Variants in CCDC134 observed in about 807,000 individuals in gnomAD.
CCDC134 encodes the protein coiled-coil domain containing 134, also known as coiled-coil domain-containing protein 134.
A neutral mutation model predicts 25.6 loss-of-function variants in CCDC134; 27 were observed. That is an observed-to-expected ratio of 1.05 (90% confidence interval 0.78 to 1.45). The LOEUF (loss-of-function observed/expected upper bound fraction) is 1.45, where lower values mean the gene tolerates loss of function less well. CCDC134 is among the 40% of genes most tolerant of loss of function. The pLI is 0.00. For missense variants in CCDC134, 261 were observed against 286.7 expected (o/e 0.91, Z 0.65); for synonymous variants, 110 against 115.0 (o/e 0.96, Z 0.28).
rs917300485 is a variant in CCDC134 at position 41,830,075 on chromosome 22, A to G, written c.*4252A>G. Among the ~76,000 whole-genome samples the G allele has an allele frequency of 6.6e-6, 1 of 152,170 alleles. No individual in the cohort carries two copies. Among genetic ancestry groups the G allele is most frequent in the African/African-American group, 2.4e-5 (1 of 41,428 alleles). ...CGTAAGCAACCGTGCCCGGCTGTCC[A>G]TCTCTTTTCAGATGAAGAGCTCAGG... On this transcript the variant is annotated 3_prime_UTR_variant, in exon 7 of 7. Transcript: ENST00000255784.
rs751030130 is a variant in CCDC134 at position 41,813,487 on chromosome 22, G to A, written c.492+42G>A. 8.7e-6 allele frequency: 14 copies of A among 1,606,386 alleles called. 1 individual carries two copies. The South Asian group carries it at 9.9e-5, about 11-fold the overall frequency. ...AGGTGGCCCGGGAGCCCTCTGTCGG[G>A]TAGTGGACTAGGATCCTCACATCTG... On this transcript the variant is annotated intron_variant, in intron 5 of 6. Coordinates refer to ENST00000255784, the MANE Select transcript of CCDC134 (RefSeq NM_024821.5).
chr22:41,812,924 A>G (rs1484896483), intron 4 of CCDC134, among the ~76,000 whole-genome samples: 1 of 152,150 alleles, frequency 6.6e-6, no homozygotes, highest in East Asian at 1.9e-4. Flanking sequence ...CCCACAGCAA[A>G]TGTGTCTTCT....
intron 6 of CCDC134, among the ~76,000 whole-genome samples, chr22:41,817,175 C>T (rs2076626615): frequency 2.0e-5 from 3 of 152,108 alleles, no homozygotes; most frequent in South Asian, 4.1e-4. Flanking sequence ...ACCATTCCAA[C>T]CAGAGACTCA....
rs1433424211 is a variant in CCDC134, at chr22:41,831,546, GC to G, written c.*5724del. The G allele has an allele frequency of 2.6e-5, 4 of 152,206 alleles. No homozygotes were observed. Among genetic ancestry groups the G allele is most frequent in the African/African-American group, 9.6e-5 (4 of 41,452 alleles). 9.4% of individuals were successfully genotyped at this position (152,206 alleles called of 1,614,324 possible). Reference sequence around the variant, plus strand: ...TGCAAGGCACTTACTGTATGCCAAAGCTTATGCCGAGAGCTGGCTGCCAGCA... The same window carrying G: ...TGCAAGGCACTTACTGTATGCCAAAGTTATGCCGAGAGCTGGCTGCCAGCA... On this transcript the variant is annotated 3_prime_UTR_variant, in exon 7 of 7. Coordinates refer to ENST00000255784, the MANE Select transcript of CCDC134 (RefSeq NM_024821.5).
chr22:41,807,526 C>T (rs2076574027), intron 1 of CCDC134, among the ~76,000 whole-genome samples: 1 of 148,566 alleles, frequency 6.7e-6, no homozygotes, highest in African/African-American at 2.5e-5. Context: ...TGTGCCACTG[C>T]ACTCCAGCCT....
In CCDC134 at chr22:41,830,274, T is replaced by C. The variant is rs959239908; in HGVS notation, c.*4451T>C. ...GGGTCCAGCCACCCTTCTTCCACCA[T>C]TTCTACTGAGCCTTCAGTTGTACCC... On this transcript the variant is annotated 3_prime_UTR_variant, in exon 7 of 7. Transcript: ENST00000255784. Among the ~76,000 whole-genome samples, 11 of 152,248 alleles carry C rather than the reference T, an allele frequency of 7.2e-5. No homozygotes were observed. Among genetic ancestry groups the C allele is most frequent in the African/African-American group, 2.7e-4 (11 of 41,468 alleles).
intron 1 of CCDC134, among the ~76,000 whole-genome samples, chr22:41,802,136 C>A (rs977982164): frequency 1.3e-5 from 2 of 152,182 alleles, no homozygotes; most frequent in African/African-American, 4.8e-5. Flanking sequence ...CTTTTCACAA[C>A]CTTCCTCGGT....
chr22:41,820,760 G>C (rs1218676013), intron 6 of CCDC134, among the ~76,000 whole-genome samples: 1 of 152,210 alleles, frequency 6.6e-6, no homozygotes, highest in Admixed American at 6.5e-5. Context: ...AGGGAGGGTA[G>C]TAAGAGTTTT....
intron 6 of CCDC134, among the ~76,000 whole-genome samples, chr22:41,816,522 C>T (rs960130072): frequency 3.9e-5 from 6 of 152,352 alleles, no homozygotes; most frequent in Admixed American, 6.5e-5. Flanking sequence ...GCTGCAGCTG[C>T]CACTGGGCTT....
intron 6 of CCDC134, among the ~76,000 whole-genome samples, chr22:41,815,206 T>C (rs1035839787): frequency 1.4e-5 from 2 of 142,510 alleles, no homozygotes; most frequent in African/African-American, 2.6e-5. Context: ...TTTCTTTTCT[T>C]TTTTTTTTTT....
rs531928294 is a variant in CCDC134 at position 41,813,357 on chromosome 22, A to C, written c.404A>C (p.Asn135Thr). 1.2e-6 allele frequency: 2 copies of C among 1,614,206 alleles called. No homozygotes were observed. The highest frequency in any genetic ancestry group is 1.7e-5 in the Admixed American group (1 of 60,014). The change falls in exon 5 of 7, where the codon AAC becomes ACC. Residue 135 changes from asparagine to threonine, a missense_variant. Asn to Thr is a moderately conservative substitution (Grantham distance 65). Coordinates refer to ENST00000255784, the MANE Select transcript of CCDC134 (RefSeq NM_024821.5). ...CACTATTACTTTGACCACAACTCCA[A>C]CTGGAACCTCCTCATCCGCTGGGGT... ...IVHYYFDHNS[N>T]WNLLIRWGIS...
chr22:41,817,228 T>C (rs2076626789), intron 6 of CCDC134, among the ~76,000 whole-genome samples: 1 of 152,146 alleles, frequency 6.6e-6, no homozygotes, highest in African/African-American at 2.4e-5. Flanking sequence ...TTTGTGCCAC[T>C]CCTTGGTAGT....
At chr22:41,817,487 A>C (rs2076628204) in intron 6 of CCDC134, among the ~76,000 whole-genome samples, 1 of 152,014 alleles carries the variant, frequency 6.6e-6, no homozygotes, top group Non-Finnish European at 1.5e-5. Context: ...TAATCCCAGC[A>C]CTTAGGGACC....
At chr22:41,809,547 CAG>C (rs1366854253) in intron 2 of CCDC134, among the ~76,000 whole-genome samples, 1 of 152,124 alleles carries the variant, frequency 6.6e-6, no homozygotes, top group Non-Finnish European at 1.5e-5. Context: ...GCATCCTGGG[CAG>C]AGAGGGTGCA....
At position 41,830,884 on chromosome 22, in the gene CCDC134, CTTTTTTTTTTTTTT is replaced by C. The variant is rs67246997; in HGVS notation, c.*5070_*5083del. On this transcript the variant is annotated 3_prime_UTR_variant, in exon 7 of 7. Transcript: ENST00000255784. The stretch of plus-strand genomic sequence containing the variant: ...AGATCCTTATTTTTTCTTTTCTTTT[CTTTTTTTTTTTTTT>C]TTTTTTTTGAGACGCAGTCTCCTGT... Among the ~76,000 whole-genome samples, 7 of 117,294 alleles carry C rather than the reference CTTTTTTTTTTTTTT, an allele frequency of 6.0e-5. No individual in the cohort carries two copies. The highest frequency in any genetic ancestry group is 2.7e-4 in the African/African-American group (7 of 25,458). 76.9% of individuals were successfully genotyped at this position (117,294 alleles called of 152,430 possible).
In CCDC134 at chr22:41,810,527, C is replaced by T. The variant is rs1387063131; in HGVS notation, c.310+236C>T. ...TTTTTTTTTTTTTGAGACAGAGTCT[C>T]ACTCTGTCGCCAGGCTGGAGTACAG... On this transcript the variant is annotated intron_variant, in intron 4 of 6. Coordinates refer to ENST00000255784, the MANE Select transcript of CCDC134 (RefSeq NM_024821.5). Among the ~76,000 whole-genome samples, 59 of 123,962 alleles carry T rather than the reference C, an allele frequency of 4.8e-4. No individual in the cohort carries two copies. The Admixed American group carries it at 5.5e-3, about 12-fold the overall frequency. 81.3% of individuals were successfully genotyped at this position (123,962 alleles called of 152,430 possible).
In CCDC134 at chr22:41,825,348, G is replaced by C. The variant is rs2076671462; in HGVS notation, c.565-350G>C. The stretch of plus-strand genomic sequence containing the variant: ...GACCTCCCTCCTCTCCTCCTGAAGG[G>C]TGCAGCAGGTGTGGGGCTCCCGGGT... On this transcript the variant is annotated intron_variant, in intron 6 of 6. Transcript: ENST00000255784. This position sits in a 1 kb window ranked among gnomAD's most constrained non-coding sequence, Gnocchi z 4.4. Among the ~76,000 whole-genome samples, 1 of 151,814 alleles carries C rather than the reference G, an allele frequency of 6.6e-6. No homozygotes were observed. Among genetic ancestry groups the C allele is most frequent in the African/African-American group, 2.4e-5 (1 of 41,288 alleles).
At position 41,808,958 on chromosome 22, in the gene CCDC134, C is replaced by T. The variant is rs1369932907; in HGVS notation, c.68C>T (p.Thr23Ile). 2.5e-6 allele frequency: 4 copies of T among 1,614,156 alleles called. No homozygotes were observed. The highest frequency in any genetic ancestry group is 1.7e-5 in the Admixed American group (1 of 60,016). The change falls in exon 2 of 7, where the codon ACC (threonine) becomes ATC (isoleucine). Residue 23 changes from threonine to isoleucine, a missense_variant. Coordinates refer to ENST00000255784, the MANE Select transcript of CCDC134 (RefSeq NM_024821.5). ...LLLSGMGATG[T>I]LRTSLDPSLE... Reference sequence around the variant, plus strand: ...TTGTCTGGGATGGGAGCCACAGGCACCTTGAGGACCTCCCTGGACCCAAGC... The same window carrying T: ...TTGTCTGGGATGGGAGCCACAGGCATCTTGAGGACCTCCCTGGACCCAAGC...
At chr22:41,822,988 C>G (rs1473930871) in intron 6 of CCDC134, among the ~76,000 whole-genome samples, 5 of 152,130 alleles carry the variant, frequency 3.3e-5, no homozygotes, top group African/African-American at 1.2e-4. Flanking sequence ...CTACTTTGAT[C>G]AGATCAAACA....
Sources: gnomAD v4.1 joint callset for allele counts (sites outside exome capture counted in the v4.1 genomes callset) on GRCh38, gnomAD v4.1.1 for gene constraint, Gnocchi (gnomAD v3.1) non-coding constraint, MANE v1.5 for transcripts, NCBI Gene and HGNC (gene_info 2026-07-23, HGNC 2026-07-21) for gene names.